The following KIRREL3 variants were observed in gnomAD, a reference collection of about 807,000 sequenced individuals.
KIRREL3 encodes kirre like nephrin family adhesion molecule 3, also known as kin of IRRE-like protein 3.
A neutral mutation model predicts 89.7 loss-of-function variants in KIRREL3; 36 were observed. That is an observed-to-expected ratio of 0.40 (90% CI 0.31 to 0.53). The LOEUF (loss-of-function observed/expected upper bound fraction) is 0.53, where lower values mean the gene tolerates loss of function less well. Among genes scored for constraint, KIRREL3 ranks in the 20% least tolerant of loss-of-function variants. The pLI, the probability that KIRREL3 is intolerant of heterozygous loss-of-function variation, is 0.49. For synonymous variants in KIRREL3, 445 were observed against 441.4 expected (o/e 1.01, Z -0.10); for missense variants, 864 against 1,056.6 (o/e 0.82, Z 2.53).
chr11:126,514,853 AC>A (rs1958353807), intron 4 of KIRREL3, among the ~76,000 whole-genome samples: 14 of 109,412 alleles, frequency 1.3e-4, no homozygotes, highest in African/African-American at 4.4e-4. Flanking sequence ...ACAACACAAC[AC>A]AACACAACAC....
intron 1 of KIRREL3, among the ~76,000 whole-genome samples, chr11:126,937,886 G>A (rs1351189599): frequency 2.0e-5 from 3 of 152,084 alleles, no homozygotes; most frequent in South Asian, 2.1e-4. Context: ...GCGACAGAGC[G>A]AGACTCCGTC....
rs1945678395 is a variant in KIRREL3 at position 126,666,675 on chromosome 11, C to A, written c.56-103763G>T. 6.6e-6 allele frequency among the ~76,000 whole-genome samples: 1 copy of A among 152,132 alleles called. No individual in the cohort carries two copies. Among genetic ancestry groups the A allele is most frequent in the South Asian group, 2.1e-4 (1 of 4,820 alleles). ...ATTTTTTTACTGCATGATATGAACA[C>A]TTAGGGTTAAACAGAGCTCTCTTTT... On this transcript the variant is annotated intron_variant, in intron 1 of 16. Transcript: ENST00000525144. The surrounding 1 kb of genome is among the most constrained non-coding windows in gnomAD (Gnocchi z 4.2).
intron 1 of KIRREL3, among the ~76,000 whole-genome samples, chr11:126,730,535 C>G (rs934996956): frequency 2.0e-5 from 3 of 152,072 alleles, no homozygotes; most frequent in Non-Finnish European, 4.4e-5. Flanking sequence ...TTTTGTCTTC[C>G]CCACCTAGGG....
chr11:126,866,219 T>TA, intron 1 of KIRREL3, among the ~76,000 whole-genome samples: 2 of 152,288 alleles, frequency 1.3e-5, no homozygotes, highest in Non-Finnish European at 2.9e-5. Flanking sequence ...AGCCAAAGAT[T>TA]ACCCCACAGT....
At chr11:126,846,042 TG>T (rs1169546927) in intron 1 of KIRREL3, among the ~76,000 whole-genome samples, 1 of 152,242 alleles carries the variant, frequency 6.6e-6, no homozygotes, top group Non-Finnish European at 1.5e-5. Flanking sequence ...GGTTCTCTTC[TG>T]TTTTGCATTG....
chr11:126,824,489 G>T (rs908819636), intron 1 of KIRREL3, among the ~76,000 whole-genome samples: 1 of 152,184 alleles, frequency 6.6e-6, no homozygotes. Context: ...GGTCTCAATC[G>T]ATCCAGAAAG....
In KIRREL3 at chr11:126,508,349, C is replaced by CT. The variant is rs1958093773; in HGVS notation, c.433+12965dup. On this transcript the variant is annotated intron_variant, in intron 4 of 16. Transcript: ENST00000525144. This position sits in a 1 kb window ranked among gnomAD's most constrained non-coding sequence, Gnocchi z 4.9. ...TCACACGGACAGAACAATTTAGAGG[C>CT]TCAGAGTGATGGAGAAAGACGCGGC... Among the ~76,000 whole-genome samples, 1 of 152,122 alleles carries CT rather than the reference C, an allele frequency of 6.6e-6. No homozygotes were observed. The highest frequency in any genetic ancestry group is 2.4e-5 in the African/African-American group (1 of 41,430).
intron 4 of KIRREL3, among the ~76,000 whole-genome samples, chr11:126,499,151 C>CA (rs33937623): frequency 0.15 from 18,731 of 129,012 alleles, 1,661 homozygotes; most frequent in African/African-American, 0.17. Context: ...GACTCCGTTT[C>CA]AAAAAAAAAA....
At chr11:126,583,114 C>T (rs567398965) in intron 1 of KIRREL3, among the ~76,000 whole-genome samples, 27 of 152,306 alleles carry the variant, frequency 1.8e-4, no homozygotes, top group Middle Eastern at 3.4e-3. Context: ...GCTGGCTCCC[C>T]GGGCCCCATA....
At position 126,677,969 on chromosome 11, in the gene KIRREL3, C is replaced by T. The variant is rs569427181; in HGVS notation, c.56-115057G>A. 1.9e-3 allele frequency among the ~76,000 whole-genome samples: 294 copies of T among 152,252 alleles called. No individual in the cohort carries two copies. Among genetic ancestry groups the T allele is most frequent in the African/African-American group, 6.6e-3 (274 of 41,534 alleles). On this transcript the variant is annotated intron_variant, in intron 1 of 16. Transcript: ENST00000525144. This position sits in a 1 kb window ranked among gnomAD's most constrained non-coding sequence, Gnocchi z 5.1. ...CCTGGGACCCAGAGACACACCCCGT[C>T]CCCAGGCTCCAGCTTCATGGAGCTT...
chr11:126,821,815 G>T (rs2134455446), intron 1 of KIRREL3, among the ~76,000 whole-genome samples: 1 of 152,250 alleles, frequency 6.6e-6, no homozygotes, highest in East Asian at 1.9e-4. Context: ...AGCCCTAGTT[G>T]GTTTGGAAGA....
chr11:126,453,950 G>C (rs1335402633), intron 7 of KIRREL3, among the ~76,000 whole-genome samples: 1 of 152,268 alleles, frequency 6.6e-6, no homozygotes, highest in Non-Finnish European at 1.5e-5. Flanking sequence ...AGGGGAGTAC[G>C]AAAGGGAGGA....
intron 1 of KIRREL3, among the ~76,000 whole-genome samples, chr11:126,706,560 C>G (rs1242346290): frequency 3.9e-5 from 6 of 152,200 alleles, no homozygotes; most frequent in African/African-American, 1.4e-4. Flanking sequence ...TAGACATTGA[C>G]AAATTCTCTT....
intron 1 of KIRREL3, among the ~76,000 whole-genome samples, chr11:126,670,416 C>T (rs1945883283): frequency 1.3e-5 from 2 of 152,066 alleles, no homozygotes; most frequent in African/African-American, 2.4e-5. Flanking sequence ...CTGTTCTCAC[C>T]ACCCCTATTG....
rs2135162636 is a variant in KIRREL3 at position 126,955,823 on chromosome 11, T to C, written c.55+44632A>G. ...GGGCTGATGTTCTGAATGGCAGTGC[T>C]GGGTTCTTACTGCCCGTTTCCATTC... On this transcript the variant is annotated intron_variant, in intron 1 of 16. Transcript: ENST00000525144. The surrounding 1 kb of genome is among the most constrained non-coding windows in gnomAD (Gnocchi z 4.6). 6.6e-6 allele frequency among the ~76,000 whole-genome samples: 1 copy of C among 152,362 alleles called. No homozygotes were observed. Among genetic ancestry groups the C allele is most frequent in the African/African-American group, 2.4e-5 (1 of 41,594 alleles).
At position 126,628,901 on chromosome 11, in the gene KIRREL3, T is replaced by C. The variant is rs971726914; in HGVS notation, c.56-65989A>G. ...ATCTGACAGCACAGGGAGGCAGGGC[T>C]TCCCCAGCCCAGCAGAGGCACCAAA... On this transcript the variant is annotated intron_variant, in intron 1 of 16. Coordinates refer to ENST00000525144, the MANE Select transcript of KIRREL3 (RefSeq NM_032531.4). The surrounding 1 kb of genome is among the most constrained non-coding windows in gnomAD (Gnocchi z 5.2). Among the ~76,000 whole-genome samples, 4 of 152,232 alleles carry C rather than the reference T, an allele frequency of 2.6e-5. No individual in the cohort carries two copies. Among genetic ancestry groups the C allele is most frequent in the African/African-American group, 9.6e-5 (4 of 41,466 alleles).
chr11:126,920,531 T>G (rs184343340), intron 1 of KIRREL3: 1 of 152,404 alleles, frequency 6.6e-6, no homozygotes, highest in African/African-American at 2.4e-5. Context: ...GTGGTGTCAG[T>G]GCTCTGTTTG....
Position 126,705,445 on chromosome 11 carries a change from G to T in KIRREL3, c.56-142533C>A, listed in dbSNP as rs950113458. 3.9e-5 allele frequency among the ~76,000 whole-genome samples: 6 copies of T among 152,042 alleles called. No individual in the cohort carries two copies. Among genetic ancestry groups the T allele is most frequent in the African/African-American group, 1.4e-4 (6 of 41,402 alleles). On this transcript the variant is annotated intron_variant, in intron 1 of 16. Transcript: ENST00000525144. This position sits in a 1 kb window ranked among gnomAD's most constrained non-coding sequence, Gnocchi z 4.3. ...TGAGACCTCTCCTTCCCTCTCTCTT[G>T]CACCTTCTCTCCCCATGTGATGTAC...
chr11:126,784,055 C>T (rs563458032), intron 1 of KIRREL3, among the ~76,000 whole-genome samples: 3 of 152,208 alleles, frequency 2.0e-5, no homozygotes, highest in African/African-American at 7.2e-5. Context: ...GCCAGTACTC[C>T]CCAAAATTGT....
Sources: allele counts gnomAD v4.1 joint callset (sites outside exome capture counted in the v4.1 genomes callset), GRCh38; gene constraint gnomAD v4.1.1; non-coding constraint Gnocchi (gnomAD v3.1); transcripts MANE v1.5; gene names NCBI Gene and HGNC (gene_info 2026-07-23, HGNC 2026-07-21).